SYDE2: variants seen among roughly 807,000 people sequenced by gnomAD.
The protein encoded by SYDE2 is rho GTPase-activating protein SYDE2.
A neutral mutation model predicts 91.5 loss-of-function variants in SYDE2; 76 were observed. That is an observed-to-expected ratio of 0.83 (90% CI 0.69 to 1.01). The LOEUF is 1.01. Ranked by LOEUF, SYDE2 falls within the 50% of genes least tolerant of loss-of-function variation. The pLI is 0.00. For missense variants in SYDE2, 1,364 were observed against 1,367.7 expected, an observed-to-expected ratio of 1.00 and a Z score of 0.04; for synonymous variants, 513 against 506.4, an observed-to-expected ratio of 1.01 and a Z score of -0.18.
At chr1:85,155,009 C>CAAAAAAAAAAAAAAAAAAAAAGAAAAA, downstream of SYDE2, among the ~76,000 whole-genome samples, 1 of 80,676 alleles carries the variant, frequency 1.2e-5, no homozygotes, top group African/African-American at 6.3e-5. Flanking sequence ...AAGAATGCAG[C>CAAAAAAAAAAAAAAAAAAAAAGAAAAA]AAAAAAAAAA....
chr1:85,191,631 G>C (rs1218836824), intron 1 of SYDE2, among the ~76,000 whole-genome samples: 2 of 151,948 alleles, frequency 1.3e-5, no homozygotes, highest in Non-Finnish European at 2.9e-5. Context: ...GGTGGCACGT[G>C]CCTGCAGTCC....
chr1:85,172,594 C>T (rs1435544613), intron 4 of SYDE2, among the ~76,000 whole-genome samples: 1 of 152,102 alleles, frequency 6.6e-6, no homozygotes, highest in East Asian at 1.9e-4. Flanking sequence ...AATACTATGT[C>T]TAAGACATTG....
chr1:85,189,932 A>C (rs1658295331), intron 2 of SYDE2, 125 bp downstream of exon 2: 1 of 778,696 alleles, frequency 1.3e-6, no homozygotes, highest in Non-Finnish European at 2.0e-6. Context: ...TTTTCATGAA[A>C]ATATATTCAC....
In SYDE2 at chr1:85,178,198, G is replaced by T; in HGVS notation, c.2619C>A (p.Ser873Arg). 2 of 1,586,624 alleles carry T rather than the reference G, an allele frequency of 1.3e-6. No individual in the cohort carries two copies. The highest frequency in any genetic ancestry group is 1.7e-6 in the Non-Finnish European group (2 of 1,165,236). Residue 873 changes from serine to arginine, a missense_variant, in exon 4 of 7, where the codon AGC (serine) becomes AGA (arginine). Coordinates refer to ENST00000341460, the MANE Select transcript of SYDE2 (RefSeq NM_032184.2). ...GGTTTTCACACAGACCAACAGCTTT[G>T]CTATCTCTCTCAAAAGCCTCTCGCA... ...KELREAFERD[S>R]KAVGLCENQY...
chr1:85,176,227 T>A (rs1657692352), intron 4 of SYDE2, among the ~76,000 whole-genome samples: 2 of 152,160 alleles, frequency 1.3e-5, no homozygotes, highest in South Asian at 2.1e-4. Context: ...CTGATTTTGT[T>A]AATTACACAT....
In SYDE2 at chr1:85,188,368, A is replaced by G. The variant is rs533297885; in HGVS notation, c.1441+1689T>C. Among the ~76,000 whole-genome samples the G allele has an allele frequency of 1.8e-3, 277 of 152,348 alleles. 1 individual carries two copies. Among genetic ancestry groups the G allele is most frequent in the African/African-American group, 6.4e-3 (268 of 41,580 alleles). On this transcript the variant is annotated intron_variant, in intron 2 of 6. Transcript: ENST00000341460. Reference sequence around the variant, plus strand: ...CAGAAAAAAATAAAAACAAATAAAAAAACACAACATTTCCAGGACATCTTT... The same window carrying G: ...CAGAAAAAAATAAAAACAAATAAAAGAACACAACATTTCCAGGACATCTTT...
downstream of SYDE2, among the ~76,000 whole-genome samples, chr1:85,154,784 G>A (rs1656839047): frequency 6.6e-6 from 1 of 151,798 alleles, no homozygotes. Context: ...CTGCAAAACT[G>A]GATGCTTGAA....
chr1:85,197,220 C>T (rs1038281481), intron 1 of SYDE2, among the ~76,000 whole-genome samples: 48 of 152,160 alleles, frequency 3.2e-4, no homozygotes, highest in African/African-American at 1.1e-3. Flanking sequence ...GGCCAATCTG[C>T]GAACACTACA....
At chr1:85,172,855 GT>G (rs1657551073) in intron 4 of SYDE2, among the ~76,000 whole-genome samples, 1 of 152,158 alleles carries the variant, frequency 6.6e-6, no homozygotes, top group Non-Finnish European at 1.5e-5. Context: ...AGTCCCAAGT[GT>G]TCATCTGAGT....
chr1:85,182,215 T>G lies in SYDE2; in HGVS notation c.2427A>C (p.Gln809His). Reference sequence around the variant, plus strand: ...TATCAACTCCAAATATTATTGGTTCTTGGTTTATATCTAGTCCATGAAGAG... The same window carrying G: ...TATCAACTCCAAATATTATTGGTTCGTGGTTTATATCTAGTCCATGAAGAG... ...ENSLHGLDIN[Q>H]EPIIFGVDIQ... Residue 809 changes from glutamine to histidine, a missense_variant, in exon 3 of 7, where the codon CAA (glutamine) becomes CAC (histidine). Physicochemically the swap from Gln to His is conservative, Grantham distance 24. Coordinates refer to ENST00000341460, the MANE Select transcript of SYDE2 (RefSeq NM_032184.2). The G allele has an allele frequency of 1.2e-6, 2 of 1,609,832 alleles. No homozygotes were observed. The highest frequency in any genetic ancestry group is 1.7e-6 in the Non-Finnish European group (2 of 1,178,190).
At chr1:85,152,924 A>T (rs769307160), downstream of SYDE2, 1 of 152,244 alleles carries the variant, frequency 6.6e-6, no homozygotes, top group Non-Finnish European at 1.5e-5. Context: ...GTTTAGTCAG[A>T]TAGTACCATA....
intron 4 of SYDE2, among the ~76,000 whole-genome samples, chr1:85,174,148 T>C (rs1202694766): frequency 6.6e-6 from 1 of 151,890 alleles, no homozygotes; most frequent in African/African-American, 2.4e-5. Flanking sequence ...TGGCAGTGGG[T>C]AGGTGGGGTG....
Position 85,190,483 on chromosome 1 carries a change from T to C in SYDE2, c.1015A>G (p.Thr339Ala). ...SFLKSSKEYCTYVVCNATNSS... is the reference protein window; with the variant it reads ...SFLKSSKEYCAYVVCNATNSS... Reference sequence around the variant, plus strand: ...TTTGTAGCGTTACATACCACATATGTACAGTACTCTTTAGATGATTTGAGG... The same window carrying C: ...TTTGTAGCGTTACATACCACATATGCACAGTACTCTTTAGATGATTTGAGG... Residue 339 changes from threonine to alanine, a missense_variant, in exon 2 of 7, where the codon ACA becomes GCA. Transcript: ENST00000341460. The C allele has an allele frequency of 1.2e-6, 2 of 1,614,048 alleles. No individual in the cohort carries two copies. The highest frequency in any genetic ancestry group is 2.2e-5 in the South Asian group (2 of 91,082).
In SYDE2 at chr1:85,200,718, ACCCACCCG is replaced by A; in HGVS notation, c.271_278del (p.Arg91CysfsTer140). 6.5e-7 allele frequency: 1 copy of A among 1,535,416 alleles called. No homozygotes were observed. The highest frequency in any genetic ancestry group is 8.7e-7 in the Non-Finnish European group (1 of 1,146,408). On this transcript the variant is annotated frameshift_variant, in exon 1 of 7. Transcript: ENST00000341460. LOFTEE classifies it high-confidence loss of function. ...ACCGCTGGAAGGGAGGCGGCTTGGCACCCACCCGGAGGCTCTCGAGGCTTCTGCTGCAG... is the reference window on the plus strand; with the variant it reads ...ACCGCTGGAAGGGAGGCGGCTTGGCAGAGGCTCTCGAGGCTTCTGCTGCAG...
Position 85,164,564 on chromosome 1 carries a change from T to C in SYDE2, c.3047A>G (p.His1016Arg). The C allele has an allele frequency of 1.2e-6, 2 of 1,606,748 alleles. No homozygotes were observed. Among genetic ancestry groups the C allele is most frequent in the Non-Finnish European group, 1.7e-6 (2 of 1,176,838 alleles). ...ELASALDFKKHIEVLHYLLQL... is the reference protein window; with the variant it reads ...ELASALDFKKRIEVLHYLLQL... Reference sequence around the variant, plus strand: ...GAGTAAGTAATGAAGAACTTCAATGTGTTTTTTAAAATCCAAAGCACTTGC... The same window carrying C: ...GAGTAAGTAATGAAGAACTTCAATGCGTTTTTTAAAATCCAAAGCACTTGC... Residue 1016 changes from histidine to arginine, a missense_variant, in exon 6 of 7, where the codon CAC becomes CGC. By Grantham distance (29) the His-to-Arg change is conservative (BLOSUM62 0). Transcript: ENST00000341460.
intron 1 of SYDE2, 65 bp from the exon 2 acceptor site, chr1:85,190,817 C>T (rs1403108516): frequency 7.4e-7 from 1 of 1,347,286 alleles, no homozygotes; most frequent in East Asian, 2.4e-5. Context: ...CATGTCACTT[C>T]AGACCAGTTA....
In SYDE2 at chr1:85,200,506, G is replaced by C. The variant is rs1450938897; in HGVS notation, c.491C>G (p.Ser164Cys). ...SGSPFRDPAG[S>C]SVIRSGKGDR... is the part of the protein sequence containing the mutation. ...TCCTTTGCCACTGCGTATCACAGAG[G>C]ACCCCGCTGGATCCCTGAAAGGGCT... is the stretch of plus-strand genomic sequence containing the variant. The change falls in exon 1 of 7, where the codon TCC becomes TGC. Residue 164 changes from serine (S) to cysteine (C), a missense_variant. Coordinates refer to ENST00000341460, the MANE Select transcript of SYDE2 (RefSeq NM_032184.2). The C allele has an allele frequency of 2.5e-6, 4 of 1,613,510 alleles. No homozygotes were observed. The African/African-American group carries it at 5.3e-5, about 22-fold the overall frequency.
At chr1:85,184,740 T>C (rs1211555130) in intron 2 of SYDE2, among the ~76,000 whole-genome samples, 1 of 152,020 alleles carries the variant, frequency 6.6e-6, no homozygotes. Flanking sequence ...TGGTGTGCTA[T>C]AGTCCCAGCT....
chr1:85,177,646 T>C (rs1646620343), intron 4 of SYDE2, among the ~76,000 whole-genome samples: 1 of 152,150 alleles, frequency 6.6e-6, no homozygotes, highest in African/African-American at 2.4e-5. Context: ...CGGCCAAGGC[T>C]TTCTAATTGG....
Sources: allele counts gnomAD v4.1 joint callset (sites outside exome capture counted in the v4.1 genomes callset), GRCh38; gene constraint gnomAD v4.1.1; transcripts MANE v1.5; gene names NCBI Gene and HGNC (gene_info 2026-07-23, HGNC 2026-07-21).